Variants in NRG3 observed in about 807,000 individuals in gnomAD.
The protein encoded by NRG3 is pro-neuregulin-3, membrane-bound isoform.
NRG3 carries 31 observed loss-of-function variants against 66.9 expected under a neutral mutation model. The observed-to-expected ratio is 0.46, with a 90% CI of 0.35 to 0.63. The LOEUF is 0.63. NRG3 is among the 20% of genes least tolerant of loss of function. NRG3 has a pLI of 0.00. For missense variants in NRG3, 910 were observed against 878.9 expected, an observed-to-expected ratio of 1.04 and a Z score of -0.45; for synonymous variants, 393 against 359.4, an observed-to-expected ratio of 1.09 and a Z score of -1.06.
intron 1 of NRG3, among the ~76,000 whole-genome samples, chr10:82,305,129 G>A (rs2134853658): frequency 6.6e-6 from 1 of 151,032 alleles, no homozygotes; most frequent in Non-Finnish European, 1.5e-5. Flanking sequence ...CGAGTAGCTG[G>A]GACTACAGGC....
chr10:82,847,662 G>A (rs1430127408), intron 3 of NRG3, among the ~76,000 whole-genome samples: 2 of 152,154 alleles, frequency 1.3e-5, no homozygotes, highest in African/African-American at 4.8e-5. Context: ...TCAGTCAGAT[G>A]TATTTTGATG....
intron 2 of NRG3, among the ~76,000 whole-genome samples, chr10:82,521,286 C>T (rs1313148059): frequency 2.0e-5 from 3 of 152,076 alleles, no homozygotes; most frequent in Non-Finnish European, 4.4e-5. Context: ...GGTCTTGCCT[C>T]GATGTTGATG....
chr10:82,307,864 A>AT (rs200977908), intron 1 of NRG3, among the ~76,000 whole-genome samples: 51 of 147,650 alleles, frequency 3.5e-4, no homozygotes, highest in African/African-American at 7.2e-4. Flanking sequence ...TTTTTTTCAC[A>AT]TTTTTTTTTA....
chr10:82,851,834 A>C (rs2063575528), intron 3 of NRG3, among the ~76,000 whole-genome samples: 1 of 152,176 alleles, frequency 6.6e-6, no homozygotes, highest in African/African-American at 2.4e-5. Context: ...CATTTAATTA[A>C]ATTGCGTACT....
At position 82,156,122 on chromosome 10, in the gene NRG3, T is replaced by G. The variant is rs1356184287; in HGVS notation, c.824-202617T>G. On this transcript the variant is annotated intron_variant, in intron 1 of 8. Coordinates refer to ENST00000372141, the MANE Select transcript of NRG3 (RefSeq NM_001010848.4). ...GTGACTAGGGTACTTGTGCTAACAT[T>G]GTCCTCCTTATTAAATTGGACATAC... Among the ~76,000 whole-genome samples, 3 of 151,844 alleles carry G rather than the reference T, an allele frequency of 2.0e-5. No homozygotes were observed. The East Asian group carries it at 5.8e-4, about 29-fold the overall frequency.
At chr10:82,916,494 A>G (rs1202916292) in intron 4 of NRG3, among the ~76,000 whole-genome samples, 1 of 152,182 alleles carries the variant, frequency 6.6e-6, no homozygotes, top group Non-Finnish European at 1.5e-5. Context: ...AAATTTCTGT[A>G]CAGCAATGTA....
At chr10:82,305,284 C>T (rs995569345) in intron 1 of NRG3, among the ~76,000 whole-genome samples, 6 of 152,014 alleles carry the variant, frequency 3.9e-5, no homozygotes, top group African/African-American at 9.7e-5. Context: ...CTTGAGCTAC[C>T]GCGCCCGGCC....
At chr10:82,476,870 T>C (rs1329788507) in intron 2 of NRG3, among the ~76,000 whole-genome samples, 10 of 152,174 alleles carry the variant, frequency 6.6e-5, no homozygotes, top group Non-Finnish European at 2.9e-5. Flanking sequence ...ATGTATATTA[T>C]ACTACAATAA....
At chr10:82,389,269 G>A (rs1400239182) in intron 2 of NRG3, among the ~76,000 whole-genome samples, 1 of 152,142 alleles carries the variant, frequency 6.6e-6, no homozygotes, top group Non-Finnish European at 1.5e-5. Flanking sequence ...GACAGGAATA[G>A]CATCATTGTA....
At chr10:82,470,324 C>T (rs1472331948) in intron 2 of NRG3, among the ~76,000 whole-genome samples, 2 of 152,236 alleles carry the variant, frequency 1.3e-5, no homozygotes, top group African/African-American at 4.8e-5. Context: ...CCTCACTACT[C>T]ATGCTGTGGG....
chr10:82,291,399 G>A (rs1374099850), intron 1 of NRG3, among the ~76,000 whole-genome samples: 1 of 152,142 alleles, frequency 6.6e-6, no homozygotes, highest in East Asian at 1.9e-4. Flanking sequence ...GTCTCACATA[G>A]TAAAGATGTT....
intron 1 of NRG3, among the ~76,000 whole-genome samples, chr10:82,056,015 C>T (rs1301516040): frequency 6.6e-6 from 1 of 152,102 alleles, no homozygotes; most frequent in African/African-American, 2.4e-5. Context: ...GAAATCTTCC[C>T]AGGCAGTTTC....
chr10:81,926,380 C>G (rs1318990819), intron 1 of NRG3, among the ~76,000 whole-genome samples: 1 of 152,056 alleles, frequency 6.6e-6, no homozygotes, highest in Admixed American at 6.6e-5. Context: ...CTTGGCCTCC[C>G]AAATTGCTGG....
At chr10:81,950,647 CTA>C (rs1287068501) in intron 1 of NRG3, among the ~76,000 whole-genome samples, 1 of 152,136 alleles carries the variant, frequency 6.6e-6, no homozygotes, top group Admixed American at 6.5e-5. Context: ...TTTTGTGTAT[CTA>C]TGGATATCAT....
Position 82,528,348 on chromosome 10 carries a change from G to T in NRG3, c.953+169480G>T, listed in dbSNP as rs556474556. ...GAGTGGAAGTTTTGATCAGATGAATGACAACAGGAAATTTTTAAAAAGCCC... is the reference window on the plus strand; with the variant it reads ...GAGTGGAAGTTTTGATCAGATGAATTACAACAGGAAATTTTTAAAAAGCCC... On this transcript the variant is annotated intron_variant, in intron 2 of 8. Transcript: ENST00000372141. 1.2e-4 allele frequency among the ~76,000 whole-genome samples: 18 copies of T among 151,968 alleles called. No individual in the cohort carries two copies. In the East Asian group the frequency reaches 3.5e-3, roughly 30 times the overall value.
At chr10:82,028,475 C>T (rs2062416303) in intron 1 of NRG3, among the ~76,000 whole-genome samples, 1 of 152,048 alleles carries the variant, frequency 6.6e-6, no homozygotes, top group African/African-American at 2.4e-5. Context: ...CTAAAATTGC[C>T]ATCCTGTTGA....
chr10:82,665,393 C>T (rs1164988941), intron 2 of NRG3, among the ~76,000 whole-genome samples: 1 of 151,978 alleles, frequency 6.6e-6, no homozygotes, highest in South Asian at 2.1e-4. Context: ...TGGTATTATC[C>T]CAGTTCTACC....
intron 1 of NRG3, among the ~76,000 whole-genome samples, chr10:82,271,129 G>T (rs2134313943): frequency 6.6e-6 from 1 of 152,120 alleles, no homozygotes; most frequent in Non-Finnish European, 1.5e-5. Flanking sequence ...GTGAGGTCTT[G>T]GGTTTTGAGG....
Position 82,871,689 on chromosome 10 carries a change from T to C in NRG3, c.1054+6252T>C, listed in dbSNP as rs149578207. On this transcript the variant is annotated intron_variant, in intron 4 of 8. Transcript: ENST00000372141. Reference sequence around the variant, plus strand: ...TTTTGGGGGATGCTAATGTAAATGCTATTGTGTTTTTAATTTCATATCATA... The same window carrying C: ...TTTTGGGGGATGCTAATGTAAATGCCATTGTGTTTTTAATTTCATATCATA... Among the ~76,000 whole-genome samples, 51 of 152,268 alleles carry C rather than the reference T, an allele frequency of 3.3e-4. No homozygotes were observed. The East Asian group carries it at 9.2e-3, about 28-fold the overall frequency.
Sources: allele counts gnomAD v4.1 joint callset (sites outside exome capture counted in the v4.1 genomes callset), GRCh38; gene constraint gnomAD v4.1.1; transcripts MANE v1.5; gene names NCBI Gene and HGNC (gene_info 2026-07-23, HGNC 2026-07-21).